CCDC141: variants seen among roughly 807,000 people sequenced by gnomAD.
CCDC141 encodes coiled-coil domain containing 141.
In CCDC141, 168 loss-of-function variants were observed where a neutral mutation model predicts 181.0. The ratio of observed to expected loss-of-function variants is 0.93; its 90% CI spans 0.82 to 1.05. The LOEUF is 1.05. Among genes scored for constraint, CCDC141 ranks in the 50% least tolerant of loss-of-function variants. The pLI is 0.00. For missense variants in CCDC141, 1,902 were observed against 1,788.5 expected (o/e 1.06, Z -1.14); for synonymous variants, 666 against 642.3 (o/e 1.04, Z -0.56).
intron 2 of CCDC141, among the ~76,000 whole-genome samples, chr2:178,984,820 T>C (rs1189007847): frequency 6.6e-6 from 1 of 152,098 alleles, no homozygotes; most frequent in African/African-American, 2.4e-5. Context: ...ATAAAGCAAG[T>C]TCTGAGTGAC....
intron 8 of CCDC141, among the ~76,000 whole-genome samples, chr2:178,893,720 A>G (rs769444769): frequency 6.6e-6 from 1 of 152,030 alleles, no homozygotes; most frequent in Non-Finnish European, 1.5e-5. Context: ...AGTGAAATGC[A>G]TATGTTTCTA....
At chr2:178,975,233 C>T in intron 3 of CCDC141, 68 bp from the exon 4 acceptor site, 3 of 783,672 alleles carry the variant, frequency 3.8e-6, no homozygotes, top group Non-Finnish European at 6.1e-6. Flanking sequence ...TTGTTAGTTA[C>T]CTGGAGATGT....
At chr2:178,920,733 A>G (rs1420974138) in intron 6 of CCDC141, among the ~76,000 whole-genome samples, 1 of 148,126 alleles carries the variant, frequency 6.8e-6, no homozygotes, top group Admixed American at 6.7e-5. Context: ...CACACACTCA[A>G]TACAATAGTA....
the CCDC141 span, among the ~76,000 whole-genome samples, chr2:178,816,305 C>A: frequency 0.012 from 1,798 of 152,256 alleles, 28 homozygotes; most frequent in African/African-American, 0.035. Context: ...AGTATGTAGC[C>A]TTTTCAGATT....
chr2:178,916,916 G>A (rs1383667917), intron 7 of CCDC141, among the ~76,000 whole-genome samples: 1 of 151,756 alleles, frequency 6.6e-6, no homozygotes, highest in Non-Finnish European at 1.5e-5. Context: ...GTTTGAGAAA[G>A]TAACCACTCT....
intron 2 of CCDC141, among the ~76,000 whole-genome samples, chr2:178,984,549 G>A (rs1364237721): frequency 3.3e-5 from 5 of 151,184 alleles, no homozygotes; most frequent in Non-Finnish European, 7.4e-5. Flanking sequence ...AGACCCATCA[G>A]TGTGCTGTAT....
At chr2:179,044,381 C>T (rs76494149) in intron 2 of CCDC141, among the ~76,000 whole-genome samples, 5,070 of 152,296 alleles carry the variant, frequency 0.033, 97 homozygotes, top group South Asian at 0.058. Context: ...ATGCTGGAGG[C>T]ATCACTCTAC....
intron 7 of CCDC141, among the ~76,000 whole-genome samples, chr2:178,909,650 T>C (rs1024841301): frequency 1.3e-5 from 2 of 152,340 alleles, no homozygotes; most frequent in East Asian, 1.9e-4. Flanking sequence ...CTAAGTATCA[T>C]TGCTCTCACT....
intron 7 of CCDC141, among the ~76,000 whole-genome samples, chr2:178,912,775 T>C (rs1475414118): frequency 2.0e-5 from 3 of 152,238 alleles, no homozygotes; most frequent in African/African-American, 7.2e-5. Flanking sequence ...CACCTGCTTC[T>C]ACCACCTTTG....
chr2:178,872,199 C>T lies in CCDC141; in HGVS notation c.2013G>A (p.Gln671=). The change falls in exon 13 of 24, where the codon CAG becomes CAA. Residue 671 remains glutamine (Q), a synonymous_variant. Transcript: ENST00000443758. ...EELSLLRLAW[Q]LKATESKPGK... ...CAGGCTTGCTTTCCGTGGCTTTAAG[C>T]TGCCATGCCAGCCGAAGGAGGCTAA... The T allele has an allele frequency of 6.2e-7, 1 of 1,614,028 alleles. No homozygotes were observed. The highest frequency in any genetic ancestry group is 8.5e-7 in the Non-Finnish European group (1 of 1,179,966).
chr2:178,867,032 G>T (rs186770910), intron 16 of CCDC141, among the ~76,000 whole-genome samples: 277 of 152,268 alleles, frequency 1.8e-3, no homozygotes, highest in Non-Finnish European at 3.4e-3. Context: ...AAGAATCAAT[G>T]TCCAGTGTAT....
intron 2 of CCDC141, among the ~76,000 whole-genome samples, chr2:178,999,499 T>C (rs1455141366): frequency 6.6e-6 from 1 of 152,174 alleles, no homozygotes; most frequent in Non-Finnish European, 1.5e-5. Flanking sequence ...TAGAACTTTC[T>C]AAATCAGAAG....
At chr2:178,977,977 A>G (rs1181973519) in intron 3 of CCDC141, among the ~76,000 whole-genome samples, 1 of 152,322 alleles carries the variant, frequency 6.6e-6, no homozygotes, top group South Asian at 2.1e-4. Flanking sequence ...CAAACTATGG[A>G]AAATCAACTA....
chr2:178,883,432 G>T lies in CCDC141; in HGVS notation c.1719+1469C>A, dbSNP rs368505156. ...ACAAAAATCAAAAATTAAGAAAAAA[G>T]AAAATAAAGAGAAAAAGCTAAAAAG... On this transcript the variant is annotated intron_variant, in intron 11 of 23. Coordinates refer to ENST00000443758, the MANE Select transcript of CCDC141 (RefSeq NM_173648.4). Among the ~76,000 whole-genome samples the T allele has an allele frequency of 2.6e-5, 4 of 152,122 alleles. No homozygotes were observed. The East Asian group carries it at 7.7e-4, about 29-fold the overall frequency.
Position 178,878,193 on chromosome 2 carries a change from G to GA in CCDC141, c.1720-51dup, listed in dbSNP as rs1425467523. ...GAACACTTAAACACATTTTTTTAAA[G>GA]AAAAAGAACAGTAGATTCCAATAAA... On this transcript the variant is annotated intron_variant, in intron 11 of 23. Coordinates refer to ENST00000443758, the MANE Select transcript of CCDC141 (RefSeq NM_173648.4). The GA allele has an allele frequency of 1.1e-5, 14 of 1,302,456 alleles. No individual in the cohort carries two copies. The Admixed American group carries it at 2.1e-4, about 19-fold the overall frequency. The allele number at this position is 1,302,456 out of a possible 1,614,324, so 80.7% of individuals were successfully genotyped here.
At chr2:179,008,264 C>G (rs1445925703) in intron 2 of CCDC141, among the ~76,000 whole-genome samples, 1 of 152,168 alleles carries the variant, frequency 6.6e-6, no homozygotes, top group African/African-American at 2.4e-5. Context: ...TTCAGCCATG[C>G]TCATTCATTT....
intron 4 of CCDC141, among the ~76,000 whole-genome samples, chr2:178,973,938 G>A (rs895421848): frequency 1.3e-5 from 2 of 152,132 alleles, no homozygotes; most frequent in African/African-American, 2.4e-5. Context: ...GGCAACTGTT[G>A]CTTTAAAGCA....
intron 2 of CCDC141, among the ~76,000 whole-genome samples, chr2:179,024,652 C>T (rs917070614): frequency 6.6e-6 from 1 of 152,168 alleles, no homozygotes; most frequent in Non-Finnish European, 1.5e-5. Flanking sequence ...TGATAATTTC[C>T]TCATTGTCAG....
intron 6 of CCDC141, among the ~76,000 whole-genome samples, chr2:178,920,773 T>C (rs762659369): frequency 2.6e-5 from 4 of 151,968 alleles, no homozygotes; most frequent in Non-Finnish European, 5.9e-5. Flanking sequence ...GATGTTAAGA[T>C]AGAAACTGTA....
Sources: gnomAD v4.1 joint callset for allele counts (sites outside exome capture counted in the v4.1 genomes callset) on GRCh38, gnomAD v4.1.1 for gene constraint, MANE v1.5 for transcripts, NCBI Gene and HGNC (gene_info 2026-07-23, HGNC 2026-07-21) for gene names.